HIPK3: variants seen among roughly 807,000 people sequenced by gnomAD.
HIPK3 encodes the protein homeodomain-interacting protein kinase 3.
Under a neutral mutation model 124.2 loss-of-function variants are expected in HIPK3, and 47 were observed. The observed-to-expected ratio is 0.38, with a 90% confidence interval of 0.30 to 0.48. The LOEUF (loss-of-function observed/expected upper bound fraction) is 0.48, where lower values mean the gene tolerates loss of function less well. Ranked by LOEUF, HIPK3 falls within the 20% of genes least tolerant of loss-of-function variation. The pLI, the probability that HIPK3 is intolerant of heterozygous loss-of-function variation, is 0.98. For synonymous variants in HIPK3, 482 were observed against 515.2 expected (o/e 0.94, Z 0.87); for missense variants, 1,286 against 1,454.3 (o/e 0.88, Z 1.88).
intron 2 of HIPK3, among the ~76,000 whole-genome samples, chr11:33,313,310 T>A (rs1285042507): frequency 6.6e-6 from 1 of 152,220 alleles, no homozygotes; most frequent in Non-Finnish European, 1.5e-5. Context: ...TTATTTATTT[T>A]TTTAAAGTAT....
chr11:33,306,041 C>G (rs1167926484), intron 2 of HIPK3, among the ~76,000 whole-genome samples: 1 of 152,030 alleles, frequency 6.6e-6, no homozygotes, highest in African/African-American at 2.4e-5. Context: ...GCTGGAAGCA[C>G]ATAACTTTAA....
chr11:33,352,127 T>C lies in HIPK3; in HGVS notation c.3044-11T>C. On this transcript the variant is annotated splice_polypyrimidine_tract_variant and intron_variant, in intron 15 of 16. Coordinates refer to ENST00000303296, the MANE Select transcript of HIPK3 (RefSeq NM_005734.5). ...AAAGCATAAACTCTTTAATATTTTA[T>C]TCGTCGCCAGATTCTATATGCCAGC... The C allele has an allele frequency of 6.2e-7, 1 of 1,610,810 alleles. No individual in the cohort carries two copies. Among genetic ancestry groups the C allele is most frequent in the Non-Finnish European group, 8.5e-7 (1 of 1,177,516 alleles).
intron 1 of HIPK3, among the ~76,000 whole-genome samples, chr11:33,282,079 A>G (rs988673583): frequency 1.3e-5 from 2 of 152,150 alleles, no homozygotes; most frequent in African/African-American, 4.8e-5. Context: ...AGTGTATAAT[A>G]GCTGTTTTAA....
intron 2 of HIPK3, among the ~76,000 whole-genome samples, chr11:33,297,333 A>G (rs1000758738): frequency 6.6e-6 from 1 of 152,130 alleles, no homozygotes; most frequent in African/African-American, 2.4e-5. Flanking sequence ...ACCTCAGGGG[A>G]TCCACCCAAC....
At chr11:33,258,339 G>A (rs1275867716) in intron 1 of HIPK3, 1 of 985,452 alleles carries the variant, frequency 1.0e-6, no homozygotes, top group Non-Finnish European at 1.2e-6. Context: ...CTTTCATTAA[G>A]GGGAACAAAC....
intron 1 of HIPK3, among the ~76,000 whole-genome samples, chr11:33,275,704 A>C (rs1851252906): frequency 6.6e-6 from 1 of 152,232 alleles, no homozygotes; most frequent in Non-Finnish European, 1.5e-5. Context: ...TTTAATTGTC[A>C]GAATTTATTG....
chr11:33,326,553 A>G (rs1055031016), intron 2 of HIPK3, among the ~76,000 whole-genome samples: 1 of 152,208 alleles, frequency 6.6e-6, no homozygotes, highest in African/African-American at 2.4e-5. Flanking sequence ...GGACTGGAGC[A>G]GGGAAAGAAC....
chr11:33,317,351 G>T (rs1228605183), intron 2 of HIPK3, among the ~76,000 whole-genome samples: 6 of 145,770 alleles, frequency 4.1e-5, no homozygotes, highest in African/African-American at 1.5e-4. Context: ...GCTCCCTGTA[G>T]TCTTGCTCAG....
At chr11:33,311,855 CACACACACACACACT>C (rs1322963428) in intron 2 of HIPK3, among the ~76,000 whole-genome samples, 1 of 148,354 alleles carries the variant, frequency 6.7e-6, no homozygotes, top group Non-Finnish European at 1.5e-5. Context: ...CACACACACA[CACACACACACACACT>C]ACACACACAC....
chr11:33,285,957 A>G (rs1468253004), intron 1 of HIPK3, among the ~76,000 whole-genome samples: 3 of 152,008 alleles, frequency 2.0e-5, no homozygotes, highest in African/African-American at 7.3e-5. Context: ...TTATTAGTAG[A>G]GTTGGGATTT....
At chr11:33,265,824 G>T (rs1253747829) in intron 1 of HIPK3, among the ~76,000 whole-genome samples, 1 of 144,746 alleles carries the variant, frequency 6.9e-6, no homozygotes, top group South Asian at 2.2e-4. Flanking sequence ...GGTGGCTCAC[G>T]CCTGTAATCC....
chr11:33,342,519 T>C (rs886151280), intron 8 of HIPK3, among the ~76,000 whole-genome samples: 1 of 151,356 alleles, frequency 6.6e-6, no homozygotes, highest in Non-Finnish European at 1.5e-5. Context: ...GGTGACAGAA[T>C]ACCTTTGAAG....
intron 5 of HIPK3, 53 bp from the exon 6 acceptor site, chr11:33,339,297 C>A (rs998325916): frequency 3.6e-6 from 5 of 1,381,810 alleles, no homozygotes; most frequent in African/African-American, 1.4e-5. Flanking sequence ...GGAATTTATA[C>A]TACTCTCTGT....
chr11:33,349,518 G>A (rs991034102), intron 14 of HIPK3, among the ~76,000 whole-genome samples: 5 of 152,048 alleles, frequency 3.3e-5, no homozygotes, highest in African/African-American at 4.8e-5. Context: ...GCATGATCTC[G>A]GCTCACAGCA....
intron 2 of HIPK3, among the ~76,000 whole-genome samples, chr11:33,312,590 A>ATCTTTC (rs1852382229): frequency 1.3e-5 from 2 of 152,208 alleles, no homozygotes; most frequent in Non-Finnish European, 2.9e-5. Context: ...CAAATGAGAG[A>ATCTTTC]CAGTTTCTGA....
In HIPK3 at chr11:33,351,780, G is replaced by A; in HGVS notation, c.2980G>A (p.Val994Ile). 1 of 1,614,200 alleles carries A rather than the reference G, an allele frequency of 6.2e-7. No homozygotes were observed. Among genetic ancestry groups the A allele is most frequent in the Admixed American group, 1.7e-5 (1 of 60,024 alleles). ...DTETKPAVCS[V>I]VVPPVELENG... The stretch of plus-strand genomic sequence containing the variant: ...AGAAACCAAGCCAGCTGTCTGTTCT[G>A]TTGTGGTGCCACCAGTGGAACTAGA... The change falls in exon 15 of 17, where the codon GTT (valine) becomes ATT (isoleucine). Residue 994 changes from valine to isoleucine, a missense_variant. Around this residue, in one of 3 missense-constraint regions of HIPK3, gnomAD observed 810 missense variants for 864.9 expected, o/e 0.94. Coordinates refer to ENST00000303296, the MANE Select transcript of HIPK3 (RefSeq NM_005734.5).
chr11:33,315,175 C>T (rs1470820976), intron 2 of HIPK3, among the ~76,000 whole-genome samples: 5 of 152,162 alleles, frequency 3.3e-5, no homozygotes, highest in Admixed American at 3.3e-4. Context: ...CCAATCTGGT[C>T]CCTTAGCTTC....
In HIPK3 at chr11:33,287,243, A is replaced by G. The variant is rs1851581904; in HGVS notation, c.829A>G (p.Met277Val). 6.2e-7 allele frequency: 1 copy of G among 1,614,036 alleles called. No homozygotes were observed. Among genetic ancestry groups the G allele is most frequent in the African/African-American group, 1.3e-5 (1 of 74,912 alleles). The part of the protein sequence containing the change: ...HRNHTCLVFE[M>V]LEQNLYDFLK... ...TAACCATACTTGTTTAGTCTTTGAG[A>G]TGCTGGAACAAAACTTGTATGACTT... The change falls in exon 2 of 17, where the codon ATG (methionine) becomes GTG (valine). Residue 277 changes from methionine (M) to valine (V), a missense_variant. Around this residue, in one of 3 missense-constraint regions of HIPK3, gnomAD observed 251 missense variants for 349.1 expected, o/e 0.72. Coordinates refer to ENST00000303296, the MANE Select transcript of HIPK3 (RefSeq NM_005734.5).
At chr11:33,280,935 A>C (rs1408530085) in intron 1 of HIPK3, among the ~76,000 whole-genome samples, 1 of 151,856 alleles carries the variant, frequency 6.6e-6, no homozygotes, top group Non-Finnish European at 1.5e-5. Flanking sequence ...TGGTTCTCAG[A>C]TTTTAGTGTG....
Sources: allele counts gnomAD v4.1 joint callset (sites outside exome capture counted in the v4.1 genomes callset), GRCh38; gene constraint gnomAD v4.1.1; regional missense constraint gnomAD v4.1.1; transcripts MANE v1.5; gene names NCBI Gene and HGNC (gene_info 2026-07-23, HGNC 2026-07-21).